The following PDE4D variants were observed in gnomAD, a reference collection of about 807,000 sequenced individuals.
The protein encoded by PDE4D is 3',5'-cyclic-AMP phosphodiesterase 4D.
Under a neutral mutation model 87.4 loss-of-function variants are expected in PDE4D, and 24 were observed. That is an observed-to-expected ratio of 0.27 (90% CI 0.20 to 0.39). The LOEUF (loss-of-function observed/expected upper bound fraction) is 0.39. PDE4D is among the 10% of genes least tolerant of loss of function. The pLI, the probability that PDE4D is intolerant of heterozygous loss-of-function variation, is 1.00. For missense variants in PDE4D, 714 were observed against 1,041.0 expected (o/e 0.69, Z 4.32); for synonymous variants, 384 against 383.2 (o/e 1.00, Z -0.02).
At chr5:59,836,693 CTATG>C (rs1168213669) in intron 1 of PDE4D, among the ~76,000 whole-genome samples, 1 of 151,636 alleles carries the variant, frequency 6.6e-6, no homozygotes, top group Admixed American at 6.6e-5. Flanking sequence ...ACCTATCTAT[CTATG>C]TATCTGTCTA....
chr5:60,364,057 C>CA (rs1419592653), intron 1 of PDE4D, among the ~76,000 whole-genome samples: 6 of 152,136 alleles, frequency 3.9e-5, no homozygotes, highest in African/African-American at 1.4e-4. Context: ...AATATCACTC[C>CA]AGAAGCCTGA....
At chr5:60,305,063 A>G (rs1455521606) in intron 1 of PDE4D, among the ~76,000 whole-genome samples, 2 of 138,562 alleles carry the variant, frequency 1.4e-5, no homozygotes, top group Admixed American at 1.4e-4. Flanking sequence ...ACACACACAC[A>G]CACACACAAC....
At chr5:59,740,075 C>T (rs1255507750) in intron 1 of PDE4D, among the ~76,000 whole-genome samples, 1 of 152,048 alleles carries the variant, frequency 6.6e-6, no homozygotes, top group Non-Finnish European at 1.5e-5. Flanking sequence ...GATAAAAGTT[C>T]CATATGAGTT....
chr5:59,436,461 C>G (rs184824866), intron 1 of PDE4D, among the ~76,000 whole-genome samples: 1 of 152,122 alleles, frequency 6.6e-6, no homozygotes, highest in African/African-American at 2.4e-5. Context: ...AACAAACATA[C>G]TATTCTAGTA....
intron 5 of PDE4D, among the ~76,000 whole-genome samples, chr5:59,068,943 T>A (rs181886493): frequency 6.6e-6 from 1 of 152,300 alleles, no homozygotes; most frequent in Admixed American, 6.5e-5. Flanking sequence ...GTTTTCACAC[T>A]GAAGGGAACA....
At chr5:59,592,099 A>G (rs1825999400) in intron 1 of PDE4D, 12 of 983,998 alleles carry the variant, frequency 1.2e-5, no homozygotes, top group Non-Finnish European at 1.4e-5. Context: ...CCCAGCAAGA[A>G]AAGAACATTC....
At chr5:59,359,771 TC>T (rs1247358550) in intron 1 of PDE4D, among the ~76,000 whole-genome samples, 1 of 152,184 alleles carries the variant, frequency 6.6e-6, no homozygotes, top group African/African-American at 2.4e-5. Context: ...CGTTTATTTT[TC>T]CAGATGAATT....
chr5:60,311,341 A>C (rs1755023452), intron 1 of PDE4D, among the ~76,000 whole-genome samples: 1 of 152,212 alleles, frequency 6.6e-6, no homozygotes, highest in Non-Finnish European at 1.5e-5. Flanking sequence ...CCTTCAAAGG[A>C]AATTCCATCA....
intron 3 of PDE4D, among the ~76,000 whole-genome samples, chr5:59,914,637 C>G (rs1440890085): frequency 1.4e-5 from 2 of 145,070 alleles, no homozygotes; most frequent in African/African-American, 5.2e-5. Context: ...GAGATGGAAG[C>G]CTTTGACAGG....
upstream of PDE4D, among the ~76,000 whole-genome samples, chr5:60,491,954 A>G (rs1749555543): frequency 6.6e-6 from 1 of 152,174 alleles, no homozygotes; most frequent in Non-Finnish European, 1.5e-5. Flanking sequence ...AACTGAGCCT[A>G]TTATATGGTG....
At chr5:60,452,126 G>A (rs1459968289) in intron 1 of PDE4D, among the ~76,000 whole-genome samples, 2 of 152,012 alleles carry the variant, frequency 1.3e-5, no homozygotes, top group Non-Finnish European at 2.9e-5. Context: ...GAAATGATAA[G>A]AAGAAAAGCC....
chr5:59,921,032 C>T (rs10069755), intron 3 of PDE4D, among the ~76,000 whole-genome samples: 11,162 of 152,120 alleles, frequency 0.073, 845 homozygotes, highest in African/African-American at 0.19. Flanking sequence ...GTGTCTACCT[C>T]ATAGTGTTGG....
chr5:59,218,199 T>G (rs1751693854), intron 1 of PDE4D, among the ~76,000 whole-genome samples: 1 of 152,154 alleles, frequency 6.6e-6, no homozygotes, highest in South Asian at 2.1e-4. Flanking sequence ...TTATGTTTAT[T>G]TCCCTTTAAT....
intron 3 of PDE4D, among the ~76,000 whole-genome samples, chr5:59,942,598 AAC>A (rs1451790443): frequency 1.3e-5 from 2 of 152,194 alleles, no homozygotes; most frequent in Non-Finnish European, 2.9e-5. Context: ...CCAGGAGAAG[AAC>A]ACACTTCAAA....
chr5:59,009,226 A>G (rs1288740878), intron 6 of PDE4D, among the ~76,000 whole-genome samples: 1 of 152,156 alleles, frequency 6.6e-6, no homozygotes, highest in Non-Finnish European at 1.5e-5. Context: ...ACTTCTAAGT[A>G]TCTACCCATG....
chr5:59,376,988 A>G (rs546228415), intron 1 of PDE4D, among the ~76,000 whole-genome samples: 9 of 152,354 alleles, frequency 5.9e-5, no homozygotes, highest in Non-Finnish European at 1.2e-4. Context: ...CTATATGCAG[A>G]AGATTGGACC....
intron 3 of PDE4D, among the ~76,000 whole-genome samples, chr5:59,974,666 A>T (rs1761123598): frequency 6.6e-6 from 1 of 152,188 alleles, no homozygotes; most frequent in Non-Finnish European, 1.5e-5. Flanking sequence ...CAGTCAGAGG[A>T]CAGGTGGACC....
chr5:59,680,325 G>T (rs911620833), intron 1 of PDE4D, among the ~76,000 whole-genome samples: 1 of 152,072 alleles, frequency 6.6e-6, no homozygotes, highest in African/African-American at 2.4e-5. Context: ...AACTTGTTCA[G>T]ATTTTCTGAT....
At chr5:59,614,918 C>G (rs924592082) in intron 1 of PDE4D, among the ~76,000 whole-genome samples, 1 of 151,920 alleles carries the variant, frequency 6.6e-6, no homozygotes, top group Non-Finnish European at 1.5e-5. Flanking sequence ...CAACCTCCAC[C>G]TCTCAGGCTC....
Sources: allele counts gnomAD v4.1 joint callset (sites outside exome capture counted in the v4.1 genomes callset), GRCh38; gene constraint gnomAD v4.1.1; transcripts MANE v1.5; gene names NCBI Gene and HGNC (gene_info 2026-07-23, HGNC 2026-07-21).